Variants in ANKZF1 observed in about 807,000 individuals in gnomAD.
ANKZF1 encodes the protein ankyrin repeat and zinc finger peptidyl tRNA hydrolase 1.
Under a neutral mutation model 86.0 loss-of-function variants are expected in ANKZF1, and 84 were observed. That is an observed-to-expected ratio of 0.98 (90% CI 0.82 to 1.17). The LOEUF is 1.17. ANKZF1 is among the 50% of genes most tolerant of loss of function. The pLI, the probability that ANKZF1 is intolerant of heterozygous loss-of-function variation, is 0.00. For missense variants in ANKZF1, 893 were observed against 918.4 expected, an observed-to-expected ratio of 0.97 and a Z score of 0.36; for synonymous variants, 331 against 354.2, an observed-to-expected ratio of 0.93 and a Z score of 0.74.
chr2:219,234,073 A>G (rs1441853235), intron 8 of ANKZF1, 60 bp from the exon 9 acceptor site: 89 of 1,576,756 alleles, frequency 5.6e-5, no homozygotes, highest in Non-Finnish European at 6.8e-5. Flanking sequence ...CTGCATTGAG[A>G]GAAACCTGCG....
At chr2:219,236,124 G>A in intron 13 of ANKZF1, 29 bp downstream of exon 13, 1 of 1,613,160 alleles carries the variant, frequency 6.2e-7, no homozygotes, top group Non-Finnish European at 8.5e-7. Flanking sequence ...GGGAGTGGGT[G>A]GACTGTAATG....
At chr2:219,230,156 C>A in intron 1 of ANKZF1, 72 bp from the exon 2 acceptor site, 1 of 1,377,532 alleles carries the variant, frequency 7.3e-7, no homozygotes, top group Non-Finnish European at 9.9e-7. Flanking sequence ...GAAACCAAGT[C>A]AGGCAGGCAG....
chr2:219,236,131 A>C (rs1951221268), intron 13 of ANKZF1, 36 bp downstream of exon 13: 1 of 1,612,486 alleles, frequency 6.2e-7, no homozygotes, highest in Non-Finnish European at 8.5e-7. Context: ...GGTGGACTGT[A>C]ATGTTGCAGG....
At chr2:219,232,182 C>G (rs913490966) in intron 3 of ANKZF1, 78 bp from the exon 4 acceptor site, 30 of 1,484,494 alleles carry the variant, frequency 2.0e-5, no homozygotes, top group Admixed American at 3.5e-5. Flanking sequence ...TCCTAGAATA[C>G]TATAACTGGT....
In ANKZF1 at chr2:219,235,504, T is replaced by C. The variant is rs1951184803; in HGVS notation, c.1722T>C (p.Val574=). 4 of 1,614,010 alleles carry C rather than the reference T, an allele frequency of 2.5e-6. No homozygotes were observed. The highest frequency in any genetic ancestry group is 1.7e-5 in the Admixed American group (1 of 60,008). ...QDSRARPPYT[V]AADKSTRNEF... Reference sequence around the variant, plus strand: ...CTCGGGCCCGGCCACCTTATACTGTTGCGGCTGACAAATCAACACGTAATG... The same window carrying C: ...CTCGGGCCCGGCCACCTTATACTGTCGCGGCTGACAAATCAACACGTAATG... Residue 574 remains valine (V), a synonymous_variant, in exon 11 of 14, where the codon GTT becomes GTC. Transcript: ENST00000323348.
intron 2 of ANKZF1, chr2:219,231,045 G>A (rs1040359570): frequency 6.6e-6 from 1 of 152,226 alleles, no homozygotes; most frequent in African/African-American, 2.4e-5. Flanking sequence ...GTCCTGTTTT[G>A]TGTAACTTTA....
rs1490245748 is a variant in ANKZF1 at position 219,233,100 on chromosome 2, C to T, written c.580C>T (p.Leu194=). The change falls in exon 6 of 14, where the codon CTG becomes TTG. Residue 194 remains leucine, a synonymous_variant. Coordinates refer to ENST00000323348, the MANE Select transcript of ANKZF1 (RefSeq NM_018089.3). ...PHQDPPEEAE[L]LLQNLQSRGP... ...CAAGGATCCCCCAGAAGAGGCAGAA[C>T]TGCTGCTACAGAACCTGCAAAGTAG... 2 of 1,613,976 alleles carry T rather than the reference C, an allele frequency of 1.2e-6. No individual in the cohort carries two copies. The highest frequency in any genetic ancestry group is 4.5e-5 in the East Asian group (2 of 44,888).
Position 219,233,325 on chromosome 2 carries a change from G to C in ANKZF1, c.711G>C (p.Thr237=). 3 of 1,614,238 alleles carry C rather than the reference G, an allele frequency of 1.9e-6. No individual in the cohort carries two copies. The highest frequency in any genetic ancestry group is 2.5e-6 in the Non-Finnish European group (3 of 1,180,038). Residue 237 remains threonine (T), a synonymous_variant, in exon 7 of 14, where the codon ACG becomes ACC. Coordinates refer to ENST00000323348, the MANE Select transcript of ANKZF1 (RefSeq NM_018089.3). ...CACACAAAACTTTTCACCGCTATAC[G>C]GTTCGGGCCAAGCGGGGCACAGCCC... ...VVTHKTFHRY[T]VRAKRGTAQG...
At chr2:219,232,868 A>T in intron 5 of ANKZF1, 185 bp downstream of exon 5, 1 of 844,712 alleles carries the variant, frequency 1.2e-6, no homozygotes, top group Non-Finnish European at 1.8e-6. Context: ...TAATGGAATT[A>T]AGTTTGGAAA....
rs371520386 is a variant in ANKZF1, at chr2:219,235,968, C to T, written c.1972-42C>T. On this transcript the variant is annotated intron_variant, in intron 12 of 13. Transcript: ENST00000323348. ...GCTGTCACCTCTTGGGTGCCCTACTCGCCACTGGGGCCTTGTCCTTAACAC... is the reference window on the plus strand; with the variant it reads ...GCTGTCACCTCTTGGGTGCCCTACTTGCCACTGGGGCCTTGTCCTTAACAC... 44 of 1,614,002 alleles carry T rather than the reference C, an allele frequency of 2.7e-5. No individual in the cohort carries two copies. The African/African-American group carries it at 4.8e-4, about 18-fold the overall frequency.
rs765545483 is a variant in ANKZF1, at chr2:219,234,868, A to G, written c.1247A>G (p.Glu416Gly). Residue 416 changes from glutamate to glycine, a missense_variant, in exon 10 of 14, where the codon GAG (glutamate) becomes GGG (glycine). Coordinates refer to ENST00000323348, the MANE Select transcript of ANKZF1 (RefSeq NM_018089.3). The part of the protein sequence containing the change: ...EGEDGFQVEL[E>G]LVELTVGTLD... The stretch of plus-strand genomic sequence containing the variant: ...GAAGATGGCTTTCAGGTAGAGTTGG[A>G]GCTAGTGGAGTTGACTGTGGGGACT... 43 of 1,613,796 alleles carry G rather than the reference A, an allele frequency of 2.7e-5. No individual in the cohort carries two copies. The highest frequency in any genetic ancestry group is 2.2e-5 in the East Asian group (1 of 44,894).
Position 219,235,992 on chromosome 2 carries a change from A to C in ANKZF1, c.1972-18A>C, listed in dbSNP as rs138323153. The C allele has an allele frequency of 5.8e-5, 93 of 1,614,110 alleles. No individual in the cohort carries two copies. The African/African-American group carries it at 1.1e-3, about 19-fold the overall frequency. Reference sequence around the variant, plus strand: ...TCGCCACTGGGGCCTTGTCCTTAACACAACTTGTCTCCCTCAGAGAGCTCT... The same window carrying C: ...TCGCCACTGGGGCCTTGTCCTTAACCCAACTTGTCTCCCTCAGAGAGCTCT... On this transcript the variant is annotated intron_variant, in intron 12 of 13. Transcript: ENST00000323348.
At chr2:219,233,558 G>A (rs1951110158) in intron 7 of ANKZF1, 125 bp downstream of exon 7, 3 of 1,404,272 alleles carry the variant, frequency 2.1e-6, no homozygotes, top group Admixed American at 2.6e-5. Context: ...GGTAGACAAA[G>A]GTAGATGAGG....
In ANKZF1 at chr2:219,236,509, G is replaced by A. The variant is rs1369628701; in HGVS notation, c.*64G>A. 1 of 1,512,118 alleles carries A rather than the reference G, an allele frequency of 6.6e-7. No homozygotes were observed. Among genetic ancestry groups the A allele is most frequent in the Non-Finnish European group, 8.8e-7 (1 of 1,133,198 alleles). The allele number at this position is 1,512,118 out of a possible 1,614,324, so 93.7% of individuals were successfully genotyped here. On this transcript the variant is annotated 3_prime_UTR_variant, in exon 14 of 14. Transcript: ENST00000323348. ...AGAGGGCACATTCACAGCAGCCCTA[G>A]GTTTTTTCTTCCCCGTGAAACCAGA...
At chr2:219,230,079 CG>C in intron 1 of ANKZF1, 148 bp from the exon 2 acceptor site, 3 of 585,860 alleles carry the variant, frequency 5.1e-6, no homozygotes, top group Non-Finnish European at 5.7e-6. Context: ...AGAAAGTGGA[CG>C]GGGGCCAAGG....
chr2:219,234,446 A>C, intron 9 of ANKZF1, 158 bp downstream of exon 9: 1 of 949,870 alleles, frequency 1.1e-6, no homozygotes, highest in Non-Finnish European at 1.7e-6. Context: ...ACCTTTCCAA[A>C]TCTATTATCT....
At chr2:219,230,447 A>T in intron 2 of ANKZF1, 42 bp downstream of exon 2, 8 of 1,572,590 alleles carry the variant, frequency 5.1e-6, no homozygotes, top group Non-Finnish European at 6.9e-6. Context: ...AGGGCTCCTT[A>T]CAGCGTATTG....
chr2:219,230,301 C>G lies in ANKZF1; in HGVS notation c.44C>G (p.Ser15Cys). Residue 15 changes from serine to cysteine, a missense_variant, in exon 2 of 14, where the codon TCC (serine) becomes TGC (cysteine). Transcript: ENST00000323348. ...PDAAPAPASI[S>C]LFDLSADAPV... is the part of the protein sequence containing the mutation. ...GCAGCCCCGGCTCCTGCGTCGATCT[C>G]CCTGTTTGACCTCAGCGCGGATGCT... 6.2e-7 allele frequency: 1 copy of G among 1,614,052 alleles called. No homozygotes were observed. The highest frequency in any genetic ancestry group is 8.5e-7 in the Non-Finnish European group (1 of 1,179,956).
In ANKZF1 at chr2:219,235,995, A is replaced by C. The variant is rs757505468; in HGVS notation, c.1972-15A>C. 2 of 1,613,940 alleles carry C rather than the reference A, an allele frequency of 1.2e-6. No individual in the cohort carries two copies. Among genetic ancestry groups the C allele is most frequent in the South Asian group, 1.1e-5 (1 of 91,068 alleles). ...CCACTGGGGCCTTGTCCTTAACACA[A>C]CTTGTCTCCCTCAGAGAGCTCTGGC... On this transcript the variant is annotated splice_polypyrimidine_tract_variant and intron_variant, in intron 12 of 13. Coordinates refer to ENST00000323348, the MANE Select transcript of ANKZF1 (RefSeq NM_018089.3).
Sources: gnomAD v4.1 joint callset for allele counts on GRCh38, gnomAD v4.1.1 for gene constraint, MANE v1.5 for transcripts, NCBI Gene and HGNC (gene_info 2026-07-23, HGNC 2026-07-21) for gene names.